The following ADGRB1 variants were observed in gnomAD, a reference collection of about 807,000 sequenced individuals.
ADGRB1 encodes brain-specific angiogenesis inhibitor 1.
Under a neutral mutation model 175.7 loss-of-function variants are expected in ADGRB1, and 36 were observed. The observed-to-expected ratio is 0.20, with a 90% CI of 0.16 to 0.27. ADGRB1 has a LOEUF of 0.27. Among genes scored for constraint, ADGRB1 ranks in the 10% least tolerant of loss-of-function variants. The probability of loss-of-function intolerance (pLI) is 1.00; values close to 1 mark genes in which losing one functional copy is unlikely to be tolerated. For missense variants in ADGRB1, 1,731 were observed against 2,255.3 expected, an observed-to-expected ratio of 0.77 and a Z score of 4.71; for synonymous variants, 1,054 against 979.4, an observed-to-expected ratio of 1.08 and a Z score of -1.42.
intron 19 of ADGRB1, 29 bp downstream of exon 19, chr8:142,518,270 A>G (rs13281622): frequency 0.97 from 1,562,708 of 1,610,468 alleles, 758,772 homozygotes; most frequent in Admixed American, 0.98. Context: ...CTGGGCATGC[A>G]TGTCTGTGGC....
chr8:142,505,986 C>T (rs1024623033), intron 17 of ADGRB1, among the ~76,000 whole-genome samples: 4 of 152,168 alleles, frequency 2.6e-5, no homozygotes, highest in Non-Finnish European at 4.4e-5. Context: ...CATTCATTCA[C>T]GCGCAGGCGT....
In ADGRB1 at chr8:142,498,227, G is replaced by A. The variant is rs920404201; in HGVS notation, c.2675+7412G>A. The stretch of plus-strand genomic sequence containing the variant: ...TGAATCCTTGGATCCGTGTGTGTTC[G>A]ATCCACCCTACCCCAGCAGAGCAGA... On this transcript the variant is annotated intron_variant, in intron 17 of 30. Coordinates refer to ENST00000517894, the MANE Select transcript of ADGRB1 (RefSeq NM_001702.3). Among the ~76,000 whole-genome samples, 5 of 152,256 alleles carry A rather than the reference G, an allele frequency of 3.3e-5. No homozygotes were observed. In the South Asian group the frequency reaches 1.0e-3, roughly 32 times the overall value.
chr8:142,531,336 G>C (rs1041334451), intron 24 of ADGRB1, among the ~76,000 whole-genome samples: 1 of 152,238 alleles, frequency 6.6e-6, no homozygotes, highest in African/African-American at 2.4e-5. Context: ...CCTGTGCCAA[G>C]TGCAGGGACA....
chr8:142,518,011 A>AGGAG, intron 18 of ADGRB1, 127 bp from the exon 19 acceptor site: 1 of 753,690 alleles, frequency 1.3e-6, no homozygotes, highest in Non-Finnish European at 2.1e-6. Flanking sequence ...GGGGAGGTGG[A>AGGAG]GGAGGGGCTG....
intron 27 of ADGRB1, among the ~76,000 whole-genome samples, chr8:142,541,450 A>G (rs1000541156): frequency 6.6e-6 from 1 of 152,124 alleles, no homozygotes; most frequent in Non-Finnish European, 1.5e-5. Flanking sequence ...AAGGGCCGTG[A>G]CAGAGGGCCA....
At chr8:142,538,866 C>T (rs578146053) in intron 26 of ADGRB1, among the ~76,000 whole-genome samples, 31 of 152,280 alleles carry the variant, frequency 2.0e-4, no homozygotes, top group Admixed American at 5.2e-4. Flanking sequence ...GTTCTGGTGC[C>T]GCAGGCCCAG....
At position 142,533,476 on chromosome 8, in the gene ADGRB1, G is replaced by A; in HGVS notation, c.3570+10G>A. Reference sequence around the variant, plus strand: ...TATCCTCCGTAGAGAGGTGGGTGAGGCAGCCTCTGTCGGGCCGGGCTCCTG... The same window carrying A: ...TATCCTCCGTAGAGAGGTGGGTGAGACAGCCTCTGTCGGGCCGGGCTCCTG... On this transcript the variant is annotated intron_variant, in intron 25 of 30. Coordinates refer to ENST00000517894, the MANE Select transcript of ADGRB1 (RefSeq NM_001702.3). 1.3e-6 allele frequency: 2 copies of A among 1,582,970 alleles called. No homozygotes were observed. The highest frequency in any genetic ancestry group is 1.7e-6 in the Non-Finnish European group (2 of 1,157,862).
chr8:142,518,334 C>T (rs1322120045), intron 19 of ADGRB1, 93 bp downstream of exon 19: 1 of 1,333,974 alleles, frequency 7.5e-7, no homozygotes, highest in Non-Finnish European at 1.1e-6. Context: ...CGTGGGTGCC[C>T]CTCCCTCCAT....
Position 142,464,101 on chromosome 8 carries a change from C to G in ADGRB1, c.-98C>G. ...CCCTTGCCCCGCCTCCCTGCCCCCA[C>G]CGGGCCGGCCCTGCCCGCCGCCGGA... On this transcript the variant is annotated 5_prime_UTR_variant, in exon 2 of 31. Transcript: ENST00000517894. The G allele has an allele frequency of 9.8e-7, 1 of 1,021,854 alleles. No individual in the cohort carries two copies. Among genetic ancestry groups the G allele is most frequent in the Non-Finnish European group, 1.2e-6 (1 of 808,754 alleles). 63.3% of individuals were successfully genotyped at this position (1,021,854 alleles called of 1,614,324 possible). A position where few individuals can be genotyped will look rare whatever the true frequency, so the allele number is the denominator to read the frequency against.
intron 17 of ADGRB1, among the ~76,000 whole-genome samples, chr8:142,500,496 C>T (rs923561492): frequency 6.6e-6 from 1 of 150,922 alleles, no homozygotes; most frequent in African/African-American, 2.5e-5. Context: ...TGTGGAGGGG[C>T]GGCTGCAGGG....
Position 142,542,557 on chromosome 8 carries a change from T to A in ADGRB1, c.4323T>A (p.Asp1441Glu), listed in dbSNP as rs1191673478. 1 of 1,515,632 alleles carries A rather than the reference T, an allele frequency of 6.6e-7. No homozygotes were observed. Among genetic ancestry groups the A allele is most frequent in the Admixed American group, 2.1e-5 (1 of 47,740 alleles). The allele number at this position is 1,515,632 out of a possible 1,614,324, so 93.9% of individuals were successfully genotyped here. ...AGCCGGCACCCCCCAGCCTGGGGGA[T>A]CCCGGGGAGCCTGCCGCCCATCCGG... ...NLEPAPPSLG[D>E]PGEPAAHPGP... is the part of the protein sequence containing the mutation. The change falls in exon 28 of 31, where the codon GAT (aspartate) becomes GAA (glutamate). Residue 1441 changes from aspartate (D) to glutamate (E), a missense_variant. Around this residue, in one of 8 missense-constraint regions of ADGRB1, gnomAD observed 394 missense variants for 410.2 expected, o/e 0.96. Coordinates refer to ENST00000517894, the MANE Select transcript of ADGRB1 (RefSeq NM_001702.3). The surrounding 1 kb of genome is among the most constrained non-coding windows in gnomAD (Gnocchi z 6.3).
chr8:142,540,005 G>A (rs1259881287), intron 27 of ADGRB1: 1 of 153,660 alleles, frequency 6.5e-6, no homozygotes, highest in Non-Finnish European at 1.4e-5. Context: ...GCCCAATAAA[G>A]GAAGCTCCGC....
chr8:142,515,204 AG>A (rs895714418), intron 18 of ADGRB1, among the ~76,000 whole-genome samples: 3 of 152,250 alleles, frequency 2.0e-5, no homozygotes, highest in African/African-American at 7.2e-5. Flanking sequence ...CGTGCAGGGC[AG>A]GGGGCCTGGC....
intron 1 of ADGRB1, among the ~76,000 whole-genome samples, chr8:142,462,765 C>T (rs961146553): frequency 6.6e-5 from 10 of 152,388 alleles, no homozygotes; most frequent in Admixed American, 3.9e-4. Flanking sequence ...AGCTCCCCTC[C>T]CTCCTGCACA....
intron 1 of ADGRB1, among the ~76,000 whole-genome samples, chr8:142,453,513 C>T (rs1269976762): frequency 6.6e-6 from 1 of 152,214 alleles, no homozygotes; most frequent in Non-Finnish European, 1.5e-5. Context: ...CCTCCGGCCT[C>T]CCTGGCTGCA....
At position 142,464,290 on chromosome 8, in the gene ADGRB1, C is replaced by CCGCCGGAGCAGACGCGGGGCCCGG. The variant is rs1840124504; in HGVS notation, c.93_116dup (p.Ala32_Gly39dup). ...CTGCTGGGACGCCGCGCGCGGGCGG[C>CCGCCGGAGCAGACGCGGGGCCCGG]CGCCGGAGCAGACGCGGGGCCCGGG... On this transcript the variant is annotated inframe_insertion, in exon 2 of 31. Coordinates refer to ENST00000517894, the MANE Select transcript of ADGRB1 (RefSeq NM_001702.3). The CCGCCGGAGCAGACGCGGGGCCCGG allele has an allele frequency of 2.2e-6, 3 of 1,368,784 alleles. No homozygotes were observed. The highest frequency in any genetic ancestry group is 1.9e-6 in the Non-Finnish European group (2 of 1,069,608). The allele number at this position is 1,368,784 out of a possible 1,614,324, so 84.8% of individuals were successfully genotyped here. A position where few individuals can be genotyped will look rare whatever the true frequency, so the allele number is the denominator to read the frequency against.
At chr8:142,541,573 C>T in intron 27 of ADGRB1, among the ~76,000 whole-genome samples, 1 of 152,232 alleles carries the variant, frequency 6.6e-6, no homozygotes, top group East Asian at 1.9e-4. Flanking sequence ...GGCTCTGCCA[C>T]CAGCACAGAC....
intron 19 of ADGRB1, among the ~76,000 whole-genome samples, chr8:142,519,250 A>C (rs1843624942): frequency 6.6e-6 from 1 of 152,128 alleles, no homozygotes; most frequent in African/African-American, 2.4e-5. Flanking sequence ...GACAGTTTTC[A>C]AAGCATCTCC....
At chr8:142,457,672 G>C (rs1387759766) in intron 1 of ADGRB1, among the ~76,000 whole-genome samples, 1 of 149,130 alleles carries the variant, frequency 6.7e-6, no homozygotes, top group African/African-American at 2.4e-5. Context: ...GTTGACCAGT[G>C]GGGGTGTGGT....
Sources: allele counts gnomAD v4.1 joint callset (sites outside exome capture counted in the v4.1 genomes callset), GRCh38; gene constraint gnomAD v4.1.1; regional missense constraint gnomAD v4.1.1; non-coding constraint Gnocchi (gnomAD v3.1); transcripts MANE v1.5; gene names NCBI Gene and HGNC (gene_info 2026-07-23, HGNC 2026-07-21).